NBEA: variants seen among roughly 807,000 people sequenced by gnomAD.
NBEA encodes neurobeachin, also known as lysosomal-trafficking regulator 2.
Under a neutral mutation model 343.4 loss-of-function variants are expected in NBEA, and 44 were observed. That is an observed-to-expected ratio of 0.13 (90% confidence interval 0.10 to 0.16). The LOEUF (loss-of-function observed/expected upper bound fraction) is 0.16. Ranked by LOEUF, NBEA falls within the 10% of genes least tolerant of loss-of-function variation. NBEA has a pLI of 1.00. For missense variants in NBEA, 2,555 were observed against 3,631.3 expected (o/e 0.70, Z 7.62); for synonymous variants, 1,175 against 1,238.7 (o/e 0.95, Z 1.08).
intron 38 of NBEA, among the ~76,000 whole-genome samples, chr13:35,376,086 G>A (rs768583521): frequency 3.3e-5 from 5 of 151,948 alleles, no homozygotes; most frequent in Admixed American, 6.6e-5. Flanking sequence ...GGTCAAGAAG[G>A]CAATTGGAAA....
intron 38 of NBEA, among the ~76,000 whole-genome samples, chr13:35,392,725 C>T (rs570663066): frequency 7.9e-5 from 12 of 152,178 alleles, no homozygotes; most frequent in African/African-American, 1.9e-4. Context: ...TCAAAGCTGC[C>T]GTGAGACCTG....
intron 38 of NBEA, among the ~76,000 whole-genome samples, chr13:35,419,962 G>A (rs976106997): frequency 1.3e-5 from 2 of 152,006 alleles, no homozygotes; most frequent in Non-Finnish European, 2.9e-5. Flanking sequence ...TATTATTTGT[G>A]TGTCTATCTT....
chr13:35,110,117 A>T (rs1386332553), intron 12 of NBEA, among the ~76,000 whole-genome samples: 1 of 144,798 alleles, frequency 6.9e-6, no homozygotes, highest in Non-Finnish European at 1.5e-5. Flanking sequence ...CAGGTTAGTT[A>T]CATATGTATA....
intron 38 of NBEA, among the ~76,000 whole-genome samples, chr13:35,363,182 A>C (rs1036769201): frequency 2.6e-5 from 4 of 151,946 alleles, no homozygotes; most frequent in Non-Finnish European, 5.9e-5. Flanking sequence ...TTATTTATAG[A>C]GCCCCAAACA....
chr13:35,173,816 A>C (rs73503799), intron 27 of NBEA, among the ~76,000 whole-genome samples: 2,033 of 152,274 alleles, frequency 0.013, 54 homozygotes, highest in African/African-American at 0.047. Flanking sequence ...TTTCTACTTA[A>C]TAAAGTTCTT....
chr13:35,414,122 G>C (rs529976231), intron 38 of NBEA, among the ~76,000 whole-genome samples: 22 of 152,162 alleles, frequency 1.4e-4, no homozygotes, highest in Non-Finnish European at 2.2e-4. Flanking sequence ...GAGGACATTC[G>C]TTGAAACTCT....
chr13:35,272,692 C>T (rs183427430), intron 34 of NBEA, among the ~76,000 whole-genome samples: 148 of 152,146 alleles, frequency 9.7e-4, no homozygotes, highest in Non-Finnish European at 1.8e-3. Flanking sequence ...CAAAAAAAAG[C>T]AGGGGTTGCA....
At chr13:35,073,648 A>T (rs755955694) in intron 10 of NBEA, among the ~76,000 whole-genome samples, 52 of 152,220 alleles carry the variant, frequency 3.4e-4, no homozygotes, top group Non-Finnish European at 5.7e-4. Context: ...TAGAATTTTT[A>T]AAAAATTATT....
At chr13:35,361,696 C>T (rs1045904328) in intron 38 of NBEA, among the ~76,000 whole-genome samples, 5 of 151,964 alleles carry the variant, frequency 3.3e-5, no homozygotes, top group African/African-American at 1.2e-4. Context: ...TAATTAAAAA[C>T]ATTTTTTCTG....
chr13:35,493,616 C>T (rs373093661), intron 41 of NBEA, among the ~76,000 whole-genome samples: 1 of 151,868 alleles, frequency 6.6e-6, no homozygotes, highest in Non-Finnish European at 1.5e-5. Context: ...TCTTTAGTTT[C>T]CCAGTAGAGT....
chr13:35,530,418 G>C (rs1413800961), intron 41 of NBEA, among the ~76,000 whole-genome samples: 2 of 151,610 alleles, frequency 1.3e-5, no homozygotes, highest in Non-Finnish European at 2.9e-5. Flanking sequence ...TCATTAGATG[G>C]TGTTTTCTAC....
chr13:35,588,514 AT>A (rs1351982664), intron 46 of NBEA, among the ~76,000 whole-genome samples: 1 of 152,160 alleles, frequency 6.6e-6, no homozygotes, highest in African/African-American at 2.4e-5. Flanking sequence ...AACAATAATA[AT>A]TGCTTAAAAA....
At chr13:35,056,767 CA>C (rs1347615610) in intron 7 of NBEA, among the ~76,000 whole-genome samples, 2 of 152,202 alleles carry the variant, frequency 1.3e-5, no homozygotes, top group Non-Finnish European at 2.9e-5. Flanking sequence ...CCTTCATAAG[CA>C]AACAAGGCCT....
At chr13:35,350,611 AAATAT>A (rs1181363977) in intron 37 of NBEA, among the ~76,000 whole-genome samples, 32 of 152,134 alleles carry the variant, frequency 2.1e-4, no homozygotes, top group African/African-American at 7.7e-4. Context: ...TATAAACATA[AAATAT>A]AATATTAATG....
intron 41 of NBEA, among the ~76,000 whole-genome samples, chr13:35,516,336 A>G (rs561101673): frequency 6.6e-6 from 1 of 152,178 alleles, no homozygotes; most frequent in South Asian, 2.1e-4. Context: ...TGTATCATAC[A>G]CAGACATGCA....
intron 41 of NBEA, among the ~76,000 whole-genome samples, chr13:35,527,847 C>T (rs1355543611): frequency 2.0e-5 from 3 of 152,196 alleles, no homozygotes; most frequent in Non-Finnish European, 4.4e-5. Context: ...GAACACACAA[C>T]TTCATCCGCA....
intron 41 of NBEA, among the ~76,000 whole-genome samples, chr13:35,477,841 A>G (rs2075944750): frequency 1.3e-5 from 2 of 152,232 alleles, no homozygotes; most frequent in South Asian, 4.1e-4. Context: ...AAAATGAAAT[A>G]AATCATTTCA....
intron 1 of NBEA, among the ~76,000 whole-genome samples, chr13:35,015,202 T>A (rs2061617167): frequency 6.6e-6 from 1 of 150,574 alleles, no homozygotes; most frequent in African/African-American, 2.4e-5. Context: ...TTAACCCCAT[T>A]GAATCTGATT....
chr13:35,156,595 A>G (rs1347158579), intron 20 of NBEA, among the ~76,000 whole-genome samples: 1 of 152,094 alleles, frequency 6.6e-6, no homozygotes, highest in Non-Finnish European at 1.5e-5. Flanking sequence ...TTTTTAAGCT[A>G]GTTAGCTTGA....
Sources: allele counts gnomAD v4.1 joint callset (sites outside exome capture counted in the v4.1 genomes callset), GRCh38; gene constraint gnomAD v4.1.1; transcripts MANE v1.5; gene names NCBI Gene and HGNC (gene_info 2026-07-23, HGNC 2026-07-21).